Variants in FLT1 observed in about 807,000 individuals in gnomAD.
FLT1 encodes the protein vascular endothelial growth factor receptor 1.
FLT1 carries 49 observed loss-of-function variants against 156.3 expected under a neutral mutation model. The ratio of observed to expected loss-of-function variants is 0.31; its 90% CI spans 0.25 to 0.40. The LOEUF (loss-of-function observed/expected upper bound fraction) is 0.40. FLT1 is among the 10% of genes least tolerant of loss of function. FLT1 has a pLI of 1.00. For synonymous variants in FLT1, 594 were observed against 583.8 expected (o/e 1.02, Z -0.25); for missense variants, 1,322 against 1,637.2 (o/e 0.81, Z 3.32).
At position 28,308,405 on chromosome 13, in the gene FLT1, A is replaced by G. The variant is rs772242211; in HGVS notation, c.3720+438T>C. ...GATTGGGTAGGAACACAGCTGTTCA[A>G]TCTGTAGAACCTCAGGGGAAAGGAG... On this transcript the variant is annotated intron_variant, in intron 28 of 29. Transcript: ENST00000282397. The G allele has an allele frequency of 5.1e-4, 135 of 262,920 alleles. 1 individual carries two copies. The highest frequency in any genetic ancestry group is 1.5e-3 in the South Asian group (29 of 19,784). 16.3% of individuals were successfully genotyped at this position (262,920 alleles called of 1,614,324 possible). A position where few individuals can be genotyped will look rare whatever the true frequency, so the allele number is the denominator to read the frequency against.
intron 1 of FLT1, among the ~76,000 whole-genome samples, chr13:28,484,937 G>C (rs1040396811): frequency 7.1e-6 from 1 of 140,666 alleles, no homozygotes; most frequent in Admixed American, 7.2e-5. Flanking sequence ...GTTGTGGTGT[G>C]GGGGGAGGGG....
chr13:28,352,947 G>A (rs1019234341), intron 15 of FLT1, among the ~76,000 whole-genome samples: 1 of 152,172 alleles, frequency 6.6e-6, no homozygotes, highest in Non-Finnish European at 1.5e-5. Context: ...AGAAAGCAGT[G>A]ACTGAAGACC....
chr13:28,412,408 CTTCTCTTTCTCTCTCTCTT>C (rs1876347928), intron 10 of FLT1, among the ~76,000 whole-genome samples: 1 of 129,542 alleles, frequency 7.7e-6, no homozygotes, highest in African/African-American at 2.9e-5. Context: ...TTCTTTCTTT[CTTCTCTTTCTCTCTCTCTT>C]TCTTTCTTTT....
chr13:28,446,171 G>A (rs968837429), intron 3 of FLT1, among the ~76,000 whole-genome samples: 1 of 152,086 alleles, frequency 6.6e-6, no homozygotes, highest in Non-Finnish European at 1.5e-5. Context: ...CTAATAAATG[G>A]CATCTAGAAA....
intron 4 of FLT1, 118 bp downstream of exon 4, chr13:28,438,101 AAG>A: frequency 1.1e-6 from 1 of 915,046 alleles, no homozygotes; most frequent in South Asian, 1.4e-5. Context: ...TGTTACAGGA[AAG>A]TCCACTGAGA....
intron 3 of FLT1, among the ~76,000 whole-genome samples, chr13:28,445,386 G>T (rs182260495): frequency 6.6e-6 from 1 of 152,272 alleles, no homozygotes; most frequent in East Asian, 1.9e-4. Context: ...TAAGGCAGGA[G>T]AATCGCTTGA....
At chr13:28,372,323 C>T (rs1254513518) in intron 14 of FLT1, among the ~76,000 whole-genome samples, 1 of 149,068 alleles carries the variant, frequency 6.7e-6, no homozygotes, top group Non-Finnish European at 1.5e-5. Flanking sequence ...CTCAGGCAAT[C>T]TGCCTGCCTC....
intron 10 of FLT1, among the ~76,000 whole-genome samples, chr13:28,412,350 CTCTTTCTTTCTTTCTT>C (rs531785690): frequency 9.6e-5 from 9 of 93,810 alleles, no homozygotes; most frequent in African/African-American, 3.4e-4. Context: ...TTCTTTCTTT[CTCTTTCTTTCTTTCTT>C]TCTTTCTTTC....
chr13:28,304,538 A>AGAT (rs760860554), intron 29 of FLT1, among the ~76,000 whole-genome samples: 5 of 151,580 alleles, frequency 3.3e-5, no homozygotes, highest in African/African-American at 4.9e-5. Context: ...AGCTTTATGG[A>AGAT]GATATAATTT....
intron 10 of FLT1, among the ~76,000 whole-genome samples, chr13:28,418,924 T>C (rs1433598012): frequency 2.6e-5 from 4 of 152,110 alleles, no homozygotes; most frequent in Admixed American, 2.6e-4. Flanking sequence ...CTCCCTGAGC[T>C]TCAGTTTTAC....
intron 1 of FLT1, among the ~76,000 whole-genome samples, chr13:28,481,720 A>G (rs1445816997): frequency 6.6e-6 from 1 of 152,248 alleles, no homozygotes; most frequent in African/African-American, 2.4e-5. Flanking sequence ...TAGAAGTAGA[A>G]TAGGTGAATA....
chr13:28,310,688 C>T (rs1422956894), intron 27 of FLT1, among the ~76,000 whole-genome samples: 5 of 152,184 alleles, frequency 3.3e-5, no homozygotes, highest in Middle Eastern at 6.8e-3. Flanking sequence ...TGCAGTAATA[C>T]GGGATAGATG....
rs747352728 is a variant in FLT1 at position 28,303,257 on chromosome 13, G to T, written c.3927C>A (p.Tyr1309Ter). 5.0e-6 allele frequency: 8 copies of T among 1,613,968 alleles called. No individual in the cohort carries two copies. The highest frequency in any genetic ancestry group is 6.8e-6 in the Non-Finnish European group (8 of 1,180,020). ...TTTTCCTTTCCAGCTCAGCGTGGTC[G>T]TAGGTGAACCTGCGCTTGCCTTCGC... ...HVSEGKRRFT[Y>*]DHAELERKIA... The change falls in exon 30 of 30, where the codon TAC becomes TAA. Residue 1309 changes from tyrosine (Y) to a stop codon, truncating the protein, a stop_gained. Coordinates refer to ENST00000282397, the MANE Select transcript of FLT1 (RefSeq NM_002019.4). LOFTEE classifies it high-confidence loss of function.
In FLT1 at chr13:28,389,042, T is replaced by A. The variant is rs147624333; in HGVS notation, c.1969+754A>T. 6.4e-3 allele frequency: 6,767 copies of A among 1,064,508 alleles called. 30 individuals are homozygous for A. The highest frequency in any genetic ancestry group is 7.3e-3 in the Non-Finnish European group (6,456 of 878,874). 65.9% of individuals were successfully genotyped at this position (1,064,508 alleles called of 1,614,324 possible). A position where few individuals can be genotyped will look rare whatever the true frequency, so the allele number is the denominator to read the frequency against. On this transcript the variant is annotated intron_variant, in intron 13 of 29. Transcript: ENST00000282397. The stretch of plus-strand genomic sequence containing the variant: ...GGACGTTGATTTGGATGGACTCTTA[T>A]AATTCACACTGCGATAAACCTTTAC...
intron 15 of FLT1, among the ~76,000 whole-genome samples, chr13:28,349,962 C>A (rs1872689553): frequency 6.6e-6 from 1 of 152,192 alleles, no homozygotes. Context: ...TAGTCTCTAT[C>A]TCTGTTTGAA....
At chr13:28,304,665 G>A (rs1023846522) in intron 29 of FLT1, among the ~76,000 whole-genome samples, 1 of 151,970 alleles carries the variant, frequency 6.6e-6, no homozygotes, top group African/African-American at 2.4e-5. Flanking sequence ...CCCCCAAAAC[G>A]CACACCTGTT....
intron 14 of FLT1, among the ~76,000 whole-genome samples, chr13:28,370,649 AGGCACTT>A (rs970668060): frequency 6.6e-6 from 1 of 152,250 alleles, no homozygotes; most frequent in Non-Finnish European, 1.5e-5. Context: ...AGGATGATTC[AGGCACTT>A]AAAAATGTGT....
intron 13 of FLT1, chr13:28,387,089 T>A: frequency 9.7e-7 from 1 of 1,035,208 alleles, no homozygotes; most frequent in Non-Finnish European, 1.2e-6. Context: ...GAAGAGAACA[T>A]TTTAACATAA....
In FLT1 at chr13:28,369,700, A is replaced by G. The variant is rs561270173; in HGVS notation, c.2117-12015T>C. On this transcript the variant is annotated intron_variant, in intron 14 of 29. Transcript: ENST00000282397. ...TGTAAAAAAGAAAAAAAGTTGACGT[A>G]TGGGATAATTTGAGACACAGTGAAA... 2.1e-3 allele frequency among the ~76,000 whole-genome samples: 317 copies of G among 152,328 alleles called. 2 individuals carry two copies. The highest frequency in any genetic ancestry group is 3.8e-3 in the Non-Finnish European group (256 of 68,020).
Sources: gnomAD v4.1 joint callset for allele counts (sites outside exome capture counted in the v4.1 genomes callset) on GRCh38, gnomAD v4.1.1 for gene constraint, MANE v1.5 for transcripts, NCBI Gene and HGNC (gene_info 2026-07-23, HGNC 2026-07-21) for gene names.